Variants in BMP6 observed in about 807,000 individuals in gnomAD.
BMP6 encodes VG-1-R.
Under a neutral mutation model 54.1 loss-of-function variants are expected in BMP6, and 17 were observed. That is an observed-to-expected ratio of 0.31 (90% confidence interval 0.22 to 0.47). The LOEUF (loss-of-function observed/expected upper bound fraction) is 0.47, where lower values mean the gene tolerates loss of function less well. Among genes scored for constraint, BMP6 ranks in the 20% least tolerant of loss-of-function variants. The pLI, the probability that BMP6 is intolerant of heterozygous loss-of-function variation, is 1.00. For missense variants in BMP6, 720 were observed against 690.4 expected (o/e 1.04, Z -0.48); for synonymous variants, 328 against 291.2 (o/e 1.13, Z -1.28).
intron 1 of BMP6, among the ~76,000 whole-genome samples, chr6:7,796,881 A>G (rs1479401797): frequency 6.6e-6 from 1 of 152,224 alleles, no homozygotes; most frequent in Non-Finnish European, 1.5e-5. Flanking sequence ...TCTTATTCAA[A>G]GCTATTCAAA....
intron 1 of BMP6, among the ~76,000 whole-genome samples, chr6:7,752,025 G>A (rs908171580): frequency 2.6e-5 from 4 of 152,134 alleles, no homozygotes; most frequent in Admixed American, 6.5e-5. Flanking sequence ...TTTGAATTTT[G>A]TACTGTGATA....
chr6:7,862,552 A>G (rs2113278304), intron 4 of BMP6, 54 bp downstream of exon 4: 1 of 1,600,858 alleles, frequency 6.2e-7, no homozygotes, highest in East Asian at 2.2e-5. Flanking sequence ...CTCAGTGAGA[A>G]CAAAAGTTGT....
chr6:7,772,107 T>G (rs270388), intron 1 of BMP6, among the ~76,000 whole-genome samples: 109,115 of 151,252 alleles, frequency 0.72, 40,853 homozygotes, highest in Non-Finnish European at 0.84. Context: ...CCTTTTAGCT[T>G]TCATGCTTCA....
At chr6:7,734,668 T>C (rs1370261730) in intron 1 of BMP6, among the ~76,000 whole-genome samples, 4 of 152,234 alleles carry the variant, frequency 2.6e-5, no homozygotes, top group Admixed American at 2.6e-4. Flanking sequence ...GAAATTGAGT[T>C]GAAAACCACG....
intron 1 of BMP6, among the ~76,000 whole-genome samples, chr6:7,813,668 AAC>A (rs577387893): frequency 0.46 from 25,223 of 54,530 alleles, 9,906 homozygotes; most frequent in East Asian, 0.7. Context: ...AAAAAAAAAA[AAC>A]CCACCAAACC....
chr6:7,860,190 A>G (rs548551776), intron 2 of BMP6, among the ~76,000 whole-genome samples: 15 of 152,296 alleles, frequency 9.8e-5, no homozygotes, highest in African/African-American at 3.6e-4. Flanking sequence ...AGACCGTGAC[A>G]CTCTGCCTGG....
At chr6:7,858,797 A>C (rs1437796591) in intron 2 of BMP6, among the ~76,000 whole-genome samples, 2 of 149,252 alleles carry the variant, frequency 1.3e-5, no homozygotes, top group African/African-American at 2.5e-5. Context: ...AGAGGCCCCG[A>C]GCATCCTAGA....
intron 1 of BMP6, among the ~76,000 whole-genome samples, chr6:7,734,821 G>A (rs919225772): frequency 6.6e-6 from 1 of 152,140 alleles, no homozygotes; most frequent in Non-Finnish European, 1.5e-5. Flanking sequence ...CCACGGTCTC[G>A]TTATCTCAAG....
chr6:7,815,299 A>G (rs1031405655), intron 1 of BMP6, among the ~76,000 whole-genome samples: 3 of 152,220 alleles, frequency 2.0e-5, no homozygotes, highest in African/African-American at 2.4e-5. Context: ...AACTGCCTCT[A>G]TGTGTGCAGA....
chr6:7,765,887 T>C (rs537994985), intron 1 of BMP6, among the ~76,000 whole-genome samples: 159 of 152,314 alleles, frequency 1.0e-3, no homozygotes, highest in African/African-American at 3.0e-3. Context: ...CTCCTTCAAG[T>C]TCAGATTTCT....
intron 1 of BMP6, among the ~76,000 whole-genome samples, chr6:7,814,973 TTAAAG>T (rs931756649): frequency 2.0e-5 from 3 of 152,132 alleles, no homozygotes; most frequent in African/African-American, 7.2e-5. Context: ...ATCCCAGAAC[TTAAAG>T]TAAAATAATA....
At chr6:7,878,998 T>G (rs1365052655) in intron 4 of BMP6, 76 bp from the exon 5 acceptor site, 13 of 1,448,230 alleles carry the variant, frequency 9.0e-6, no homozygotes, top group Non-Finnish European at 1.3e-5. Flanking sequence ...TGGCATGTGG[T>G]AAACTCTCTA....
intron 1 of BMP6, among the ~76,000 whole-genome samples, chr6:7,804,920 A>C (rs1758326932): frequency 6.6e-6 from 1 of 152,106 alleles, no homozygotes; most frequent in African/African-American, 2.4e-5. Flanking sequence ...ATTAAAAAAC[A>C]CAGCCATTGC....
At chr6:7,740,476 A>G (rs1263033021) in intron 1 of BMP6, among the ~76,000 whole-genome samples, 2 of 152,288 alleles carry the variant, frequency 1.3e-5, no homozygotes, top group African/African-American at 2.4e-5. Flanking sequence ...TATGTTCAAA[A>G]TCAAGCCTCA....
chr6:7,772,223 A>G (rs1235555825), intron 1 of BMP6, among the ~76,000 whole-genome samples: 1 of 152,178 alleles, frequency 6.6e-6, no homozygotes, highest in Non-Finnish European at 1.5e-5. Context: ...CTAAGCCAAC[A>G]GAGTGGCCTC....
At chr6:7,757,633 G>A (rs1468035949) in intron 1 of BMP6, among the ~76,000 whole-genome samples, 2 of 152,192 alleles carry the variant, frequency 1.3e-5, no homozygotes, top group Admixed American at 1.3e-4. Flanking sequence ...GCAACTGTGA[G>A]TCCCAAAGTT....
intron 1 of BMP6, among the ~76,000 whole-genome samples, chr6:7,768,334 C>G (rs1757724474): frequency 6.6e-6 from 1 of 152,196 alleles, no homozygotes; most frequent in South Asian, 2.1e-4. Context: ...TTTTCACTCT[C>G]AGTCTTGTCC....
At chr6:7,744,057 A>G (rs1487428554) in intron 1 of BMP6, among the ~76,000 whole-genome samples, 6 of 152,198 alleles carry the variant, frequency 3.9e-5, no homozygotes, top group African/African-American at 1.4e-4. Context: ...TTTACAGCAA[A>G]TATCTGTATA....
intron 1 of BMP6, among the ~76,000 whole-genome samples, chr6:7,800,213 G>T (rs1411297648): frequency 6.6e-6 from 1 of 151,680 alleles, no homozygotes; most frequent in East Asian, 1.9e-4. Flanking sequence ...CTTTATCTCA[G>T]ATGCCTGTAC....
Sources: gnomAD v4.1 joint callset for allele counts (sites outside exome capture counted in the v4.1 genomes callset) on GRCh38, gnomAD v4.1.1 for gene constraint, MANE v1.5 for transcripts, NCBI Gene and HGNC (gene_info 2026-07-23, HGNC 2026-07-21) for gene names.